The following TMTC2 variants were observed in gnomAD, a reference collection of about 807,000 sequenced individuals.
The protein encoded by TMTC2 is protein O-mannosyl-transferase TMTC2.
Under a neutral mutation model 82.4 loss-of-function variants are expected in TMTC2, and 43 were observed. That is an observed-to-expected ratio of 0.52 (90% CI 0.41 to 0.67). TMTC2 has a LOEUF of 0.67. TMTC2 is among the 30% of genes least tolerant of loss of function. TMTC2 has a pLI of 0.00. For synonymous variants in TMTC2, 408 were observed against 381.9 expected (o/e 1.07, Z -0.80); for missense variants, 919 against 1,012.4 (o/e 0.91, Z 1.25).
At chr12:83,051,118 G>GGAAT in intron 10 of TMTC2, 100 bp downstream of exon 10, 1 of 758,446 alleles carries the variant, frequency 1.3e-6, no homozygotes, top group Non-Finnish European at 2.1e-6. Flanking sequence ...TTCTCAATGT[G>GGAAT]AGTCAATCAC....
intron 1 of TMTC2, among the ~76,000 whole-genome samples, chr12:82,742,267 C>G (rs1875451734): frequency 6.6e-6 from 1 of 151,966 alleles, no homozygotes; most frequent in Non-Finnish European, 1.5e-5. Flanking sequence ...CTTCCTGAAA[C>G]TTTCCCTAGG....
chr12:82,738,683 A>G (rs1007029625), intron 1 of TMTC2, among the ~76,000 whole-genome samples: 3 of 152,198 alleles, frequency 2.0e-5, no homozygotes, highest in Admixed American at 6.5e-5. Context: ...TTCATATGGA[A>G]TGAGAATTCT....
At chr12:82,821,274 T>C (rs1869094094) in intron 1 of TMTC2, among the ~76,000 whole-genome samples, 1 of 152,194 alleles carries the variant, frequency 6.6e-6, no homozygotes. Context: ...GAGTACCTTC[T>C]TAAATTTTAT....
At chr12:82,698,919 G>A (rs192984353) in intron 1 of TMTC2, among the ~76,000 whole-genome samples, 163 of 152,280 alleles carry the variant, frequency 1.1e-3, no homozygotes, top group African/African-American at 3.8e-3. Flanking sequence ...CATCCAGGGT[G>A]GGATAGGGCA....
intron 11 of TMTC2, among the ~76,000 whole-genome samples, chr12:83,095,218 G>GT (rs577622810): frequency 1.7e-3 from 232 of 139,404 alleles, no homozygotes; most frequent in East Asian, 2.5e-3. Flanking sequence ...AAATTTCATG[G>GT]TTTTTTTTTT....
At chr12:83,083,365 T>C (rs1883537968) in intron 11 of TMTC2, among the ~76,000 whole-genome samples, 1 of 152,182 alleles carries the variant, frequency 6.6e-6, no homozygotes, top group South Asian at 2.1e-4. Context: ...TGTGGCTTGC[T>C]CGGGCAGTAA....
At chr12:82,838,276 T>C (rs528933235) in intron 1 of TMTC2, among the ~76,000 whole-genome samples, 1 of 152,298 alleles carries the variant, frequency 6.6e-6, no homozygotes, top group African/African-American at 2.4e-5. Context: ...GTTGAATTAC[T>C]CTCCTATCAT....
chr12:82,707,958 C>G (rs1172186803), intron 1 of TMTC2, among the ~76,000 whole-genome samples: 1 of 152,136 alleles, frequency 6.6e-6, no homozygotes, highest in East Asian at 1.9e-4. Context: ...ATAGTTGATT[C>G]ATATAGATAT....
chr12:83,060,749 CA>C, intron 10 of TMTC2, among the ~76,000 whole-genome samples: 1 of 151,718 alleles, frequency 6.6e-6, no homozygotes, highest in South Asian at 2.1e-4. Flanking sequence ...ACGATATGAT[CA>C]AAAAATATAT....
In TMTC2 at chr12:82,895,903, GAAAC is replaced by G. The variant is rs748820017; in HGVS notation, c.745_748del (p.Lys249HisfsTer79). 13 of 1,613,790 alleles carry G rather than the reference GAAAC, an allele frequency of 8.1e-6. No homozygotes were observed. The South Asian group carries it at 1.4e-4, about 18-fold the overall frequency. On this transcript the variant is annotated frameshift_variant, in exon 3 of 12. Coordinates refer to ENST00000321196, the MANE Select transcript of TMTC2 (RefSeq NM_152588.3). LOFTEE classifies it high-confidence loss of function. ...TTGGGTGCCCGGTTATACTGGATGG[GAAAC>G]AAACCACCAAGCTTTTCCAACTCGG...
chr12:82,806,904 G>C (rs1160002430), intron 1 of TMTC2, among the ~76,000 whole-genome samples: 1 of 152,050 alleles, frequency 6.6e-6, no homozygotes. Context: ...AGGGTCAGCT[G>C]TATATACACC....
At chr12:83,084,684 T>TA (rs1883590980) in intron 11 of TMTC2, among the ~76,000 whole-genome samples, 2 of 152,310 alleles carry the variant, frequency 1.3e-5, no homozygotes, top group Admixed American at 1.3e-4. Flanking sequence ...TGTCTGTGGA[T>TA]GACCTACTTG....
intron 1 of TMTC2, among the ~76,000 whole-genome samples, chr12:82,729,412 G>T (rs1874643685): frequency 6.6e-6 from 1 of 152,094 alleles, no homozygotes; most frequent in African/African-American, 2.4e-5. Context: ...GTTGCACTCT[G>T]TATCTAGTTC....
chr12:82,875,917 AAAAG>A (rs1309335425), intron 2 of TMTC2, among the ~76,000 whole-genome samples: 1 of 151,448 alleles, frequency 6.6e-6, no homozygotes, highest in Non-Finnish European at 1.5e-5. Context: ...AAAAAAAAAA[AAAAG>A]AAAGAAAACT....
intron 7 of TMTC2, among the ~76,000 whole-genome samples, chr12:82,981,545 C>T (rs1488687786): frequency 6.6e-6 from 1 of 151,898 alleles, no homozygotes; most frequent in Non-Finnish European, 1.5e-5. Flanking sequence ...TATCATCGCA[C>T]AGCAAATCTT....
chr12:83,035,298 A>T (rs1881617352), intron 9 of TMTC2, among the ~76,000 whole-genome samples: 1 of 152,292 alleles, frequency 6.6e-6, no homozygotes, highest in African/African-American at 2.4e-5. Context: ...TGCATTGCAT[A>T]TTGCCTTTTT....
chr12:83,064,062 C>T (rs1882835562), intron 11 of TMTC2, among the ~76,000 whole-genome samples: 1 of 151,628 alleles, frequency 6.6e-6, no homozygotes, highest in Non-Finnish European at 1.5e-5. Context: ...TAATAGAATG[C>T]TGTGAATATA....
In TMTC2 at chr12:82,872,414, T is replaced by A. The variant is rs143445463; in HGVS notation, c.654+14834T>A. Among the ~76,000 whole-genome samples, 893 of 152,354 alleles carry A rather than the reference T, an allele frequency of 5.9e-3. 7 individuals carry two copies. Among genetic ancestry groups the A allele is most frequent in the African/African-American group, 0.021 (859 of 41,584 alleles). ...CTCTACATGGTGTTTCTCAAAAGCATGCAAGCAAGAATTATTCGGATTCAA... is the reference window on the plus strand; with the variant it reads ...CTCTACATGGTGTTTCTCAAAAGCAAGCAAGCAAGAATTATTCGGATTCAA... On this transcript the variant is annotated intron_variant, in intron 2 of 11. Transcript: ENST00000321196.
At chr12:83,015,891 T>G (rs976360759) in intron 8 of TMTC2, among the ~76,000 whole-genome samples, 5 of 152,176 alleles carry the variant, frequency 3.3e-5, no homozygotes, top group Non-Finnish European at 5.9e-5. Context: ...TTCTGGCCAT[T>G]TGTGCGTGTT....
Sources: allele counts gnomAD v4.1 joint callset (sites outside exome capture counted in the v4.1 genomes callset), GRCh38; gene constraint gnomAD v4.1.1; transcripts MANE v1.5; gene names NCBI Gene and HGNC (gene_info 2026-07-23, HGNC 2026-07-21).